Variants in SRPK2 observed in about 807,000 individuals in gnomAD.
The protein encoded by SRPK2 is SFRS protein kinase 2.
Under a neutral mutation model 90.8 loss-of-function variants are expected in SRPK2, and 21 were observed. The ratio of observed to expected loss-of-function variants is 0.23; its 90% CI spans 0.16 to 0.33. The LOEUF is 0.33. Ranked by LOEUF, SRPK2 falls within the 10% of genes least tolerant of loss-of-function variation. The pLI, the probability that SRPK2 is intolerant of heterozygous loss-of-function variation, is 1.00. For synonymous variants in SRPK2, 288 were observed against 311.1 expected (o/e 0.93, Z 0.78); for missense variants, 620 against 869.0 (o/e 0.71, Z 3.60).
intron 2 of SRPK2, among the ~76,000 whole-genome samples, chr7:105,291,496 A>G (rs1464987903): frequency 6.6e-6 from 1 of 151,954 alleles, no homozygotes; most frequent in Admixed American, 6.6e-5. Context: ...TGTGAGGCCG[A>G]GGCAGGTGGA....
intron 3 of SRPK2, among the ~76,000 whole-genome samples, chr7:105,193,079 T>C (rs1794503685): frequency 6.6e-6 from 1 of 152,224 alleles, no homozygotes; most frequent in Admixed American, 6.5e-5. Context: ...TTTGATCACA[T>C]TTGCATTTAG....
At position 105,140,831 on chromosome 7, in the gene SRPK2, C is replaced by T. The variant is rs375040732; in HGVS notation, c.1543+1177G>A. Among the ~76,000 whole-genome samples the T allele has an allele frequency of 1.1e-4, 17 of 150,884 alleles. No homozygotes were observed. The South Asian group carries it at 2.1e-3, about 19-fold the overall frequency. On this transcript the variant is annotated intron_variant, in intron 11 of 15. Transcript: ENST00000393651. Reference sequence around the variant, plus strand: ...CAAAAATTAGCCGGGCATGGTGGCACGCGCCTATAATCCCAGCTACTCAGG... The same window carrying T: ...CAAAAATTAGCCGGGCATGGTGGCATGCGCCTATAATCCCAGCTACTCAGG...
intron 2 of SRPK2, among the ~76,000 whole-genome samples, chr7:105,249,008 G>A (rs960902125): frequency 6.6e-6 from 1 of 151,958 alleles, no homozygotes; most frequent in South Asian, 2.1e-4. Context: ...TTCTGTCCAC[G>A]TGTGCTAGTT....
At chr7:105,343,954 G>A (rs1816141935) in intron 2 of SRPK2, among the ~76,000 whole-genome samples, 1 of 151,954 alleles carries the variant, frequency 6.6e-6, no homozygotes, top group Non-Finnish European at 1.5e-5. Flanking sequence ...ATAGAGACGG[G>A]GGTTTCATCA....
At chr7:105,198,556 C>T (rs1017419842) in intron 3 of SRPK2, among the ~76,000 whole-genome samples, 6 of 152,118 alleles carry the variant, frequency 3.9e-5, no homozygotes, top group African/African-American at 1.4e-4. Flanking sequence ...GCTCTCTCTC[C>T]AGAGGTTAAG....
upstream of SRPK2, among the ~76,000 whole-genome samples, chr7:105,390,601 GTTTTTGTTTTTTTT>G (rs1275448345): frequency 2.0e-5 from 2 of 102,140 alleles, no homozygotes; most frequent in African/African-American, 9.1e-5. Context: ...GTTAATTTTT[GTTTTTGTTTTTTTT>G]TTTTTTTTTT....
chr7:105,351,669 T>A (rs761509563), intron 2 of SRPK2, among the ~76,000 whole-genome samples: 1 of 151,600 alleles, frequency 6.6e-6, no homozygotes, highest in Admixed American at 6.6e-5. Flanking sequence ...CTGGGTGTGG[T>A]GGCCGGCACC....
At chr7:105,148,563 T>A (rs762645861) in intron 7 of SRPK2, among the ~76,000 whole-genome samples, 1 of 152,216 alleles carries the variant, frequency 6.6e-6, no homozygotes, top group Non-Finnish European at 1.5e-5. Flanking sequence ...ATTACATCAA[T>A]GACCATTCAA....
chr7:105,260,366 T>C (rs970616386), intron 2 of SRPK2, among the ~76,000 whole-genome samples: 1 of 152,178 alleles, frequency 6.6e-6, no homozygotes, highest in African/African-American at 2.4e-5. Flanking sequence ...TGGTGATCAT[T>C]AAAAAGTCAG....
chr7:105,398,455 C>T (rs1008777685), intron 1 of SRPK2, among the ~76,000 whole-genome samples: 2 of 150,858 alleles, frequency 1.3e-5, no homozygotes, highest in African/African-American at 4.9e-5. Context: ...GCAACCTCAG[C>T]TCACTGGAAC....
At chr7:105,393,711 A>G (rs1042720059), upstream of SRPK2, among the ~76,000 whole-genome samples, 1 of 151,934 alleles carries the variant, frequency 6.6e-6, no homozygotes, top group South Asian at 2.1e-4. Context: ...AAAATATAGA[A>G]TTCAGTGTTT....
At chr7:105,167,707 T>C (rs555050985) in intron 5 of SRPK2, among the ~76,000 whole-genome samples, 1 of 152,142 alleles carries the variant, frequency 6.6e-6, no homozygotes, top group South Asian at 2.1e-4. Flanking sequence ...GCCTCCCAGG[T>C]TCAAGTGATA....
In SRPK2 at chr7:105,261,893, A is replaced by T. The variant is rs73715544; in HGVS notation, c.72-58108T>A. On this transcript the variant is annotated intron_variant, in intron 2 of 15. Transcript: ENST00000393651. The stretch of plus-strand genomic sequence containing the variant: ...TTGATACAGGCAGAGCTTCCTTGAG[A>T]CAGGAAGGATGGGAACAGCAAAACA... 3.3e-3 allele frequency among the ~76,000 whole-genome samples: 505 copies of T among 152,298 alleles called. 1 individual carries two copies. Among genetic ancestry groups the T allele is most frequent in the African/African-American group, 0.011 (470 of 41,566 alleles).
At chr7:105,160,654 G>GC in intron 6 of SRPK2, 41 bp from the exon 7 acceptor site, 7 of 1,166,004 alleles carry the variant, frequency 6.0e-6, no homozygotes, top group Non-Finnish European at 7.7e-6. Flanking sequence ...GCACTGCCTG[G>GC]AGTGAGGCAG....
intron 6 of SRPK2, among the ~76,000 whole-genome samples, chr7:105,162,505 C>CA (rs1227461033): frequency 6.6e-6 from 1 of 151,768 alleles, no homozygotes; most frequent in Non-Finnish European, 1.5e-5. Context: ...ACTTTAGAAT[C>CA]AAAAAAAGTA....
intron 2 of SRPK2, among the ~76,000 whole-genome samples, chr7:105,260,299 T>C (rs1219245070): frequency 1.5e-4 from 23 of 151,632 alleles, no homozygotes; most frequent in Admixed American, 1.5e-3. Flanking sequence ...TCATCACTGG[T>C]CATCAGAGAA....
intron 2 of SRPK2, among the ~76,000 whole-genome samples, chr7:105,242,915 T>C (rs1441055496): frequency 6.6e-6 from 1 of 152,238 alleles, no homozygotes; most frequent in East Asian, 1.9e-4. Context: ...AAGTAGCATT[T>C]CAAATATAAA....
Position 105,170,977 on chromosome 7 carries a change from GAGAA to G in SRPK2, c.230-1716_230-1713del, listed in dbSNP as rs750707874. 4.0e-3 allele frequency among the ~76,000 whole-genome samples: 167 copies of G among 42,090 alleles called. 12 individuals are homozygous for G. The highest frequency in any genetic ancestry group is 9.0e-3 in the African/African-American group (90 of 9,984). The allele number at this position is 42,090 out of a possible 152,430, so 27.6% of individuals were successfully genotyped here. On this transcript the variant is annotated intron_variant, in intron 3 of 15. Coordinates refer to ENST00000393651, the MANE Select transcript of SRPK2 (RefSeq NM_182692.3). ...AAAGAAAGAAAGAAAGAGAAAGAAA[GAGAA>G]AGAAAGAAAGAAAGAGAAAGAAAGA...
chr7:105,235,248 A>G (rs1231640427), intron 2 of SRPK2, among the ~76,000 whole-genome samples: 1 of 152,230 alleles, frequency 6.6e-6, no homozygotes, highest in Non-Finnish European at 1.5e-5. Flanking sequence ...GTTTGCTTAT[A>G]ATATTTAATG....
Sources: gnomAD v4.1 joint callset for allele counts (sites outside exome capture counted in the v4.1 genomes callset) on GRCh38, gnomAD v4.1.1 for gene constraint, MANE v1.5 for transcripts, NCBI Gene and HGNC (gene_info 2026-07-23, HGNC 2026-07-21) for gene names.